KCNQ3: variants seen among roughly 807,000 people sequenced by gnomAD.
KCNQ3 encodes the protein potassium voltage-gated channel subfamily KQT member 3.
In KCNQ3, 30 loss-of-function variants were observed where a neutral mutation model predicts 92.5. That is an observed-to-expected ratio of 0.32 (90% CI 0.24 to 0.44). The LOEUF (loss-of-function observed/expected upper bound fraction) is 0.44, where lower values mean the gene tolerates loss of function less well. Among genes scored for constraint, KCNQ3 ranks in the 20% least tolerant of loss-of-function variants. The pLI, the probability that KCNQ3 is intolerant of heterozygous loss-of-function variation, is 1.00. For missense variants in KCNQ3, 913 were observed against 1,140.3 expected (o/e 0.80, Z 2.87); for synonymous variants, 450 against 468.8 (o/e 0.96, Z 0.52).
intron 1 of KCNQ3, among the ~76,000 whole-genome samples, chr8:132,434,064 C>T (rs1181684824): frequency 6.6e-6 from 1 of 151,226 alleles, no homozygotes; most frequent in Non-Finnish European, 1.5e-5. Context: ...AAAAATTAGC[C>T]GGGCGTAGTG....
chr8:132,362,375 G>A (rs1161921007), intron 1 of KCNQ3, among the ~76,000 whole-genome samples: 2 of 152,180 alleles, frequency 1.3e-5, no homozygotes, highest in Non-Finnish European at 1.5e-5. Context: ...AATTCAAAGC[G>A]TGCCTTAAGG....
chr8:132,233,100 C>A (rs1586850042), intron 1 of KCNQ3, among the ~76,000 whole-genome samples: 1 of 152,164 alleles, frequency 6.6e-6, no homozygotes, highest in Admixed American at 6.5e-5. Context: ...TATTGGTGAC[C>A]TATACATGCA....
At chr8:132,248,758 G>A (rs760088714) in intron 1 of KCNQ3, among the ~76,000 whole-genome samples, 3 of 152,176 alleles carry the variant, frequency 2.0e-5, no homozygotes, top group South Asian at 2.1e-4. Flanking sequence ...TCCCTGCCAC[G>A]GTGATTGGCT....
Position 132,462,198 on chromosome 8 carries a change from TTTA to T in KCNQ3, c.386+17946_386+17948del, listed in dbSNP as rs1229299715. Reference sequence around the variant, plus strand: ...ATTTATGTATTTATTTATTTATTTATTTATTTATTTTATTTTTTGAGACGGAGT... The same window carrying T: ...ATTTATGTATTTATTTATTTATTTATTTTATTTTATTTTTTGAGACGGAGT... On this transcript the variant is annotated intron_variant, in intron 1 of 14. Coordinates refer to ENST00000388996, the MANE Select transcript of KCNQ3 (RefSeq NM_004519.4). Among the ~76,000 whole-genome samples the T allele has an allele frequency of 7.9e-5, 12 of 152,018 alleles. No homozygotes were observed. In the East Asian group the frequency reaches 1.9e-3, roughly 25 times the overall value.
chr8:132,232,885 C>T (rs1379749820), intron 1 of KCNQ3, among the ~76,000 whole-genome samples: 2 of 152,074 alleles, frequency 1.3e-5, no homozygotes, highest in African/African-American at 4.8e-5. Context: ...CCATATCTTT[C>T]TTCTTCTTTC....
At chr8:132,421,821 T>TAATGGGAG (rs777122435) in intron 1 of KCNQ3, among the ~76,000 whole-genome samples, 15 of 152,210 alleles carry the variant, frequency 9.9e-5, no homozygotes, top group Non-Finnish European at 1.6e-4. Flanking sequence ...TTAAAACAGA[T>TAATGGGAG]AATGGGAGAG....
intron 1 of KCNQ3, among the ~76,000 whole-genome samples, chr8:132,292,826 CTCTAA>C: frequency 6.6e-6 from 1 of 152,158 alleles, no homozygotes; most frequent in African/African-American, 2.4e-5. Flanking sequence ...CAGTGCCAGA[CTCTAA>C]TCTGATTGTG....
intron 1 of KCNQ3, among the ~76,000 whole-genome samples, chr8:132,203,431 C>T (rs1009492469): frequency 6.6e-6 from 1 of 152,254 alleles, no homozygotes; most frequent in Admixed American, 6.5e-5. Flanking sequence ...ACTTCTGGTT[C>T]CTCATCTCTA....
At chr8:132,225,552 A>G (rs1289839688) in intron 1 of KCNQ3, among the ~76,000 whole-genome samples, 1 of 152,254 alleles carries the variant, frequency 6.6e-6, no homozygotes, top group African/African-American at 2.4e-5. Context: ...TATGCTACCA[A>G]GAGGGTGACA....
intron 1 of KCNQ3, among the ~76,000 whole-genome samples, chr8:132,373,160 C>G (rs756011695): frequency 3.7e-4 from 57 of 152,194 alleles, no homozygotes; most frequent in Admixed American, 1.1e-3. Flanking sequence ...TACTAGCACT[C>G]AGGGCCTCCA....
rs538839009 is a variant in KCNQ3, at chr8:132,162,587, C to T, written c.1262+881G>A. Among the ~76,000 whole-genome samples, 14 of 152,282 alleles carry T rather than the reference C, an allele frequency of 9.2e-5. No homozygotes were observed. In the East Asian group the frequency reaches 9.7e-4, roughly 10 times the overall value. The stretch of plus-strand genomic sequence containing the variant: ...CTGTCATTCACCTAACCCTCCTTTA[C>T]GATCTCCTCAAAGGCCCTTACAGTC... On this transcript the variant is annotated intron_variant, in intron 9 of 14. Transcript: ENST00000388996.
At chr8:132,357,324 AG>A in intron 1 of KCNQ3, among the ~76,000 whole-genome samples, 1 of 152,228 alleles carries the variant, frequency 6.6e-6, no homozygotes, top group Non-Finnish European at 1.5e-5. Flanking sequence ...AGACAGGCAG[AG>A]AAGTGCGTCA....
At chr8:132,276,161 T>C (rs1816323697) in intron 1 of KCNQ3, among the ~76,000 whole-genome samples, 1 of 152,196 alleles carries the variant, frequency 6.6e-6, no homozygotes. Context: ...AGAACTCAAT[T>C]TTTATTTTTA....
At chr8:132,189,688 T>A (rs1318874413) in intron 1 of KCNQ3, among the ~76,000 whole-genome samples, 1 of 151,686 alleles carries the variant, frequency 6.6e-6, no homozygotes, top group Non-Finnish European at 1.5e-5. Context: ...TAGCCAGGCA[T>A]GGTGGTGCAT....
intron 1 of KCNQ3, among the ~76,000 whole-genome samples, chr8:132,384,903 C>G (rs1363555875): frequency 1.3e-5 from 2 of 152,210 alleles, no homozygotes; most frequent in East Asian, 1.9e-4. Flanking sequence ...GGATAATCCA[C>G]ATGCAATGCT....
rs560761710 is a variant in KCNQ3 at position 132,436,909 on chromosome 8, C to T, written c.386+43238G>A. Reference sequence around the variant, plus strand: ...TCCAGGCAGCCCAGGTGTCTCTTGTCTTTGGCCTGCTGTCATTTTCAGGAC... The same window carrying T: ...TCCAGGCAGCCCAGGTGTCTCTTGTTTTTGGCCTGCTGTCATTTTCAGGAC... On this transcript the variant is annotated intron_variant, in intron 1 of 14. Coordinates refer to ENST00000388996, the MANE Select transcript of KCNQ3 (RefSeq NM_004519.4). Among the ~76,000 whole-genome samples the T allele has an allele frequency of 6.0e-4, 91 of 152,214 alleles. 1 individual carries two copies. The highest frequency in any genetic ancestry group is 2.1e-3 in the Admixed American group (32 of 15,286).
intron 1 of KCNQ3, among the ~76,000 whole-genome samples, chr8:132,221,080 C>T (rs936710290): frequency 5.3e-5 from 8 of 152,124 alleles, no homozygotes; most frequent in Admixed American, 2.0e-4. Context: ...GGTTTTCTGT[C>T]CTTGTGATAG....
At chr8:132,312,873 C>G (rs1036802912) in intron 1 of KCNQ3, among the ~76,000 whole-genome samples, 1 of 152,142 alleles carries the variant, frequency 6.6e-6, no homozygotes, top group Non-Finnish European at 1.5e-5. Context: ...TTGTAAATTA[C>G]CTAGACTCAG....
intron 1 of KCNQ3, among the ~76,000 whole-genome samples, chr8:132,232,198 G>A (rs1316538059): frequency 6.6e-6 from 1 of 152,172 alleles, no homozygotes; most frequent in Admixed American, 6.5e-5. Context: ...TATGATCAAG[G>A]CACTTCAAGC....
Sources: gnomAD v4.1 joint callset for allele counts (sites outside exome capture counted in the v4.1 genomes callset) on GRCh38, gnomAD v4.1.1 for gene constraint, MANE v1.5 for transcripts, NCBI Gene and HGNC (gene_info 2026-07-23, HGNC 2026-07-21) for gene names.